Variants in MEGF11 observed in about 807,000 individuals in gnomAD.
MEGF11 encodes multiple EGF like domains 11, also known as multiple epidermal growth factor-like domains protein 11.
Under a neutral mutation model 146.6 loss-of-function variants are expected in MEGF11, and 126 were observed. The ratio of observed to expected loss-of-function variants is 0.86; its 90% CI spans 0.74 to 1.00. The LOEUF (loss-of-function observed/expected upper bound fraction) is 1.00, where lower values mean the gene tolerates loss of function less well. MEGF11 is among the 50% of genes least tolerant of loss of function. The pLI is 0.00. For synonymous variants in MEGF11, 532 were observed against 583.4 expected (o/e 0.91, Z 1.27); for missense variants, 1,509 against 1,521.2 (o/e 0.99, Z 0.13).
In MEGF11 at chr15:65,970,585, CT is replaced by C; in HGVS notation, c.866del (p.Gln289ArgfsTer87). The C allele has an allele frequency of 6.2e-7, 1 of 1,614,036 alleles. No homozygotes were observed. On this transcript the variant is annotated frameshift_variant, in exon 8 of 26. Transcript: ENST00000395614. LOFTEE classifies it high-confidence loss of function. ...HGGQCDHVTGQCHCTAGYMGD... is the reference protein window; with the variant it reads ...HGGQCDHVTGXCHCTAGYMGD... ...CCATGTATCCAGCTGTACAGTGGCACTGTCCAGTCACGTGGTCACACTGCCC... is the reference window on the plus strand; with the variant it reads ...CCATGTATCCAGCTGTACAGTGGCACGTCCAGTCACGTGGTCACACTGCCC...
At chr15:66,172,575 C>A (rs924491488) in intron 1 of MEGF11, among the ~76,000 whole-genome samples, 7 of 152,158 alleles carry the variant, frequency 4.6e-5, no homozygotes, top group Non-Finnish European at 1.0e-4. Flanking sequence ...CAGGTGATCC[C>A]CCCTCTCTCC....
chr15:66,083,624 T>C (rs1248743826), intron 5 of MEGF11, among the ~76,000 whole-genome samples: 2 of 151,938 alleles, frequency 1.3e-5, no homozygotes, highest in African/African-American at 2.4e-5. Flanking sequence ...AATAGTTAAA[T>C]TGGACTTCAT....
chr15:66,222,231 G>C (rs1353755390), intron 1 of MEGF11, among the ~76,000 whole-genome samples: 1 of 151,966 alleles, frequency 6.6e-6, no homozygotes, highest in African/African-American at 2.4e-5. Context: ...TATATCTCCT[G>C]GCTCTTTCTC....
At chr15:65,987,393 G>C (rs2081900397) in intron 5 of MEGF11, among the ~76,000 whole-genome samples, 1 of 152,172 alleles carries the variant, frequency 6.6e-6, no homozygotes, top group Non-Finnish European at 1.5e-5. Context: ...TGGTTTATGT[G>C]TGAATGGTGG....
At chr15:66,171,848 A>T (rs2090265867) in intron 1 of MEGF11, among the ~76,000 whole-genome samples, 1 of 151,092 alleles carries the variant, frequency 6.6e-6, no homozygotes, top group Non-Finnish European at 1.5e-5. Context: ...ATTACCCACT[A>T]ATTGTCCAAA....
At chr15:66,099,593 CA>C (rs1453326835) in intron 4 of MEGF11, among the ~76,000 whole-genome samples, 1 of 152,214 alleles carries the variant, frequency 6.6e-6, no homozygotes, top group East Asian at 1.9e-4. Context: ...TGTCCTTGAG[CA>C]ACCTCTCTGG....
intron 16 of MEGF11, among the ~76,000 whole-genome samples, chr15:65,917,761 C>T (rs1596835871): frequency 6.6e-6 from 1 of 152,168 alleles, no homozygotes. Flanking sequence ...AATATCAGTA[C>T]CTTTGATACC....
intron 1 of MEGF11, among the ~76,000 whole-genome samples, chr15:66,247,626 A>T (rs781676256): frequency 2.0e-5 from 3 of 152,168 alleles, no homozygotes; most frequent in Non-Finnish European, 4.4e-5. Flanking sequence ...CTGTGGTCCC[A>T]TCTACTCAGG....
intron 5 of MEGF11, among the ~76,000 whole-genome samples, chr15:66,035,413 T>C (rs2140262758): frequency 6.6e-6 from 1 of 152,272 alleles, no homozygotes; most frequent in African/African-American, 2.4e-5. Flanking sequence ...CCCAAAGTGA[T>C]TTTGCTTGAC....
chr15:65,940,282 CA>C (rs1197039504), intron 10 of MEGF11, among the ~76,000 whole-genome samples: 1 of 152,182 alleles, frequency 6.6e-6, no homozygotes, highest in Non-Finnish European at 1.5e-5. Flanking sequence ...CAGCAGCACA[CA>C]AGAGTTGCAT....
intron 1 of MEGF11, among the ~76,000 whole-genome samples, chr15:66,146,312 C>A (rs2089369482): frequency 6.6e-6 from 1 of 152,214 alleles, no homozygotes; most frequent in African/African-American, 2.4e-5. Context: ...GGTTTGCCTC[C>A]CCTCTCCCGG....
intron 9 of MEGF11, among the ~76,000 whole-genome samples, chr15:65,961,907 C>T (rs967329731): frequency 3.9e-5 from 6 of 152,082 alleles, no homozygotes; most frequent in East Asian, 1.9e-4. Flanking sequence ...GGAAGCTTCA[C>T]GTTCAAAGAC....
intron 1 of MEGF11, among the ~76,000 whole-genome samples, chr15:66,134,710 C>A (rs7166955): frequency 6.6e-6 from 1 of 152,122 alleles, no homozygotes; most frequent in Admixed American, 6.5e-5. Flanking sequence ...AGGGGCCCAG[C>A]GGGGAGAAGG....
At chr15:66,176,396 T>C (rs1597136411) in intron 1 of MEGF11, among the ~76,000 whole-genome samples, 1 of 152,206 alleles carries the variant, frequency 6.6e-6, no homozygotes, top group East Asian at 1.9e-4. Context: ...AGCCAAGATA[T>C]GGAGGGTAGG....
At chr15:66,084,835 A>C (rs1044155220) in intron 5 of MEGF11, among the ~76,000 whole-genome samples, 4 of 152,104 alleles carry the variant, frequency 2.6e-5, no homozygotes, top group Admixed American at 1.3e-4. Context: ...TGCTGTGGAG[A>C]CCTCACAAGC....
intron 1 of MEGF11, among the ~76,000 whole-genome samples, chr15:66,175,577 A>G (rs1198475183): frequency 6.6e-6 from 1 of 152,228 alleles, no homozygotes; most frequent in African/African-American, 2.4e-5. Context: ...GGGAAAGGAC[A>G]TTGTCTTCAA....
At chr15:66,067,102 C>T (rs754448454) in intron 5 of MEGF11, among the ~76,000 whole-genome samples, 10 of 152,166 alleles carry the variant, frequency 6.6e-5, no homozygotes, top group Non-Finnish European at 1.3e-4. Flanking sequence ...TGAGTTAATA[C>T]AGATAAAGTG....
chr15:66,165,726 G>T (rs2090080343), intron 1 of MEGF11, among the ~76,000 whole-genome samples: 1 of 152,170 alleles, frequency 6.6e-6, no homozygotes, highest in South Asian at 2.1e-4. Context: ...GGAAAAGGCA[G>T]GAAGAATGGC....
intron 10 of MEGF11, among the ~76,000 whole-genome samples, chr15:65,934,026 T>C (rs1027514437): frequency 2.0e-5 from 3 of 152,228 alleles, no homozygotes; most frequent in African/African-American, 7.2e-5. Context: ...TTCTCTGGGC[T>C]GGCTCCCTGT....
Sources: gnomAD v4.1 joint callset for allele counts (sites outside exome capture counted in the v4.1 genomes callset) on GRCh38, gnomAD v4.1.1 for gene constraint, MANE v1.5 for transcripts, NCBI Gene and HGNC (gene_info 2026-07-23, HGNC 2026-07-21) for gene names.